INPP4A: variants seen among roughly 807,000 people sequenced by gnomAD.
INPP4A encodes inositol polyphosphate-4-phosphatase type I A.
In INPP4A, 33 loss-of-function variants were observed where a neutral mutation model predicts 119.8. The ratio of observed to expected loss-of-function variants is 0.28; its 90% CI spans 0.21 to 0.37. The LOEUF is 0.37. INPP4A is among the 10% of genes least tolerant of loss of function. INPP4A has a pLI of 1.00. For missense variants in INPP4A, 956 were observed against 1,289.9 expected (o/e 0.74, Z 3.97); for synonymous variants, 496 against 500.7 (o/e 0.99, Z 0.12).
At chr2:98,511,122 C>T (rs910392948) in intron 1 of INPP4A, among the ~76,000 whole-genome samples, 5 of 151,644 alleles carry the variant, frequency 3.3e-5, no homozygotes, top group African/African-American at 7.3e-5. Flanking sequence ...TGCAGTAGTG[C>T]GATCTGGGCT....
chr2:98,460,129 G>A (rs1489669105), intron 1 of INPP4A, among the ~76,000 whole-genome samples: 1 of 151,804 alleles, frequency 6.6e-6, no homozygotes, highest in Non-Finnish European at 1.5e-5. Flanking sequence ...GTGTGTGTGT[G>A]TGTATGTTTA....
At chr2:98,496,950 C>T (rs1003781604) in intron 1 of INPP4A, among the ~76,000 whole-genome samples, 1 of 152,222 alleles carries the variant, frequency 6.6e-6, no homozygotes, top group South Asian at 2.1e-4. Context: ...TGGCTCTGAG[C>T]ACTCAGTGAA....
intron 1 of INPP4A, among the ~76,000 whole-genome samples, chr2:98,473,338 T>C (rs1215914002): frequency 6.2e-5 from 9 of 145,420 alleles, no homozygotes; most frequent in African/African-American, 2.3e-4. Flanking sequence ...GAGGGCAGTG[T>C]GGGTGGAGTG....
At chr2:98,575,455 T>G (rs1006017351) in intron 23 of INPP4A, among the ~76,000 whole-genome samples, 1 of 152,270 alleles carries the variant, frequency 6.6e-6, no homozygotes, top group African/African-American at 2.4e-5. Flanking sequence ...ACTCTTGCTT[T>G]GTCAGTTACA....
chr2:98,572,431 C>T (rs146589673), intron 22 of INPP4A, among the ~76,000 whole-genome samples: 1 of 152,338 alleles, frequency 6.6e-6, no homozygotes, highest in Admixed American at 6.5e-5. Flanking sequence ...GGCTCAGACC[C>T]ACTGCCCCAG....
intron 13 of INPP4A, among the ~76,000 whole-genome samples, chr2:98,551,253 T>C (rs1693464494): frequency 1.3e-5 from 2 of 152,376 alleles, no homozygotes; most frequent in South Asian, 2.1e-4. Context: ...CTTGGCTGAA[T>C]TGATTTTTTA....
At chr2:98,473,320 A>T (rs1472176317) in intron 1 of INPP4A, among the ~76,000 whole-genome samples, 3 of 147,000 alleles carry the variant, frequency 2.0e-5, no homozygotes, top group Admixed American at 6.7e-5. Context: ...GGTGGAGTGG[A>T]GAGTGAGGAG....
intron 1 of INPP4A, among the ~76,000 whole-genome samples, chr2:98,516,681 A>G (rs1686184638): frequency 6.6e-6 from 1 of 152,170 alleles, no homozygotes; most frequent in Non-Finnish European, 1.5e-5. Context: ...TCAAAAGGGA[A>G]GAGCCTCTTC....
intron 4 of INPP4A, among the ~76,000 whole-genome samples, chr2:98,528,281 A>G (rs1042452896): frequency 1.3e-5 from 2 of 152,222 alleles, no homozygotes; most frequent in African/African-American, 2.4e-5. Flanking sequence ...GAGAGGCTCA[A>G]CTGTAGGTTT....
intron 17 of INPP4A, among the ~76,000 whole-genome samples, chr2:98,563,131 T>A (rs1195492945): frequency 6.6e-6 from 1 of 152,204 alleles, no homozygotes. Flanking sequence ...GAGCATTTTC[T>A]GGCCTCGTCA....
rs546408551 is a variant in INPP4A at position 98,447,105 on chromosome 2, G to A, written c.-166+2020G>A. Among the ~76,000 whole-genome samples the A allele has an allele frequency of 2.0e-5, 3 of 152,294 alleles. No homozygotes were observed. In the East Asian group the frequency reaches 5.8e-4, roughly 29 times the overall value. ...CCCAGCCCAGGGCTTAACATCTCAA[G>A]AGTTCAGTGAGGCAGAGTGGAGGGG... On this transcript the variant is annotated intron_variant, in intron 1 of 24. Transcript: ENST00000409851.
intron 4 of INPP4A, among the ~76,000 whole-genome samples, chr2:98,526,337 GA>G (rs1688177811): frequency 6.6e-6 from 1 of 152,146 alleles, no homozygotes; most frequent in East Asian, 1.9e-4. Context: ...TCATTGAACA[GA>G]AAAACCTAAG....
rs767314089 is a variant in INPP4A at position 98,546,726 on chromosome 2, T to C, written c.1163+32T>C. ...AGCCAGAGAGGGTTTGTGGTCCTTG[T>C]ACAGCTTTCTGATGCTTCTTTTCTC... is the stretch of plus-strand genomic sequence containing the variant. On this transcript the variant is annotated intron_variant, in intron 13 of 24. Coordinates refer to ENST00000409851, the MANE Select transcript of INPP4A (RefSeq NM_001134225.2). This position sits in a 1 kb window ranked among gnomAD's most constrained non-coding sequence, Gnocchi z 4.2. 3.0e-5 allele frequency: 38 copies of C among 1,272,748 alleles called. No homozygotes were observed. The South Asian group carries it at 4.1e-4, about 14-fold the overall frequency. 78.8% of individuals were successfully genotyped at this position (1,272,748 alleles called of 1,614,324 possible).
rs1697275148 is a variant in INPP4A at position 98,570,655 on chromosome 2, G to A, written c.2518+1987G>A. Among the ~76,000 whole-genome samples the A allele has an allele frequency of 6.6e-6, 1 of 152,194 alleles. No homozygotes were observed. The highest frequency in any genetic ancestry group is 2.1e-4 in the South Asian group (1 of 4,838). ...GTCCGAGGGAAGGAGAACACACAGG[G>A]CTGGAAGATGCAAGAGGACACCAGA... is the stretch of plus-strand genomic sequence containing the variant. On this transcript the variant is annotated intron_variant, in intron 22 of 24. Coordinates refer to ENST00000409851, the MANE Select transcript of INPP4A (RefSeq NM_001134225.2). The surrounding 1 kb of genome is among the most constrained non-coding windows in gnomAD (Gnocchi z 4.3).
chr2:98,562,216 A>T (rs187886988), intron 17 of INPP4A, among the ~76,000 whole-genome samples: 57 of 152,372 alleles, frequency 3.7e-4, no homozygotes, highest in African/African-American at 1.3e-3. Context: ...GTCCACAAAC[A>T]GTTAGCGTGC....
rs1189015429 is a variant in INPP4A, at chr2:98,572,922, G to A, written c.2626G>A (p.Ala876Thr). Residue 876 changes from alanine (A) to threonine (T), a missense_variant, in exon 23 of 25, where the codon GCT becomes ACT. Ala to Thr is a moderately conservative substitution (Grantham distance 58). This residue lies in a region of INPP4A where 304 missense variants were observed against 492.1 expected (regional missense o/e 0.62). Coordinates refer to ENST00000409851, the MANE Select transcript of INPP4A (RefSeq NM_001134225.2). ...GAACGTCGACATTCTCTGGCAAGCT[G>A]CTGAGGTACTGGTTACAGAGAGGAA... ...NKNVDILWQA[A>T]EICRRLNGVR... 5.1e-6 allele frequency: 8 copies of A among 1,568,044 alleles called. No homozygotes were observed. In the Admixed American group the frequency reaches 1.5e-4, roughly 29 times the overall value.
chr2:98,521,916 TA>T (rs1300325351), intron 4 of INPP4A: 1 of 151,982 alleles, frequency 6.6e-6, no homozygotes, highest in African/African-American at 2.4e-5. Context: ...ACCCTGTCTC[TA>T]AAAAATAATA....
Position 98,546,676 on chromosome 2 carries a change from T to G in INPP4A, c.1145T>G (p.Phe382Cys). 1 of 1,610,226 alleles carries G rather than the reference T, an allele frequency of 6.2e-7. No individual in the cohort carries two copies. Among genetic ancestry groups the G allele is most frequent in the Non-Finnish European group, 8.5e-7 (1 of 1,176,442 alleles). ...SGGLRKKLHKFEETKKHTSSG... is the reference protein window; with the variant it reads ...SGGLRKKLHKCEETKKHTSSG... ...GGTCTCCGCAAAAAGCTGCACAAAT[T>G]TGAAGAGACCAAGAAACAGTAAGTA... is the stretch of plus-strand genomic sequence containing the variant. The change falls in exon 13 of 25, where the codon TTT (phenylalanine) becomes TGT (cysteine). Residue 382 changes from phenylalanine to cysteine, a missense_variant. Transcript: ENST00000409851. The surrounding 1 kb of genome is among the most constrained non-coding windows in gnomAD (Gnocchi z 4.2).
At chr2:98,533,329 A>C in intron 4 of INPP4A, 48 bp from the exon 5 acceptor site, 3 of 1,192,796 alleles carry the variant, frequency 2.5e-6, no homozygotes, top group African/African-American at 1.5e-5. Context: ...AAAACTAATC[A>C]GAGTCTGGTT....
Sources: allele counts gnomAD v4.1 joint callset (sites outside exome capture counted in the v4.1 genomes callset), GRCh38; gene constraint gnomAD v4.1.1; regional missense constraint gnomAD v4.1.1; non-coding constraint Gnocchi (gnomAD v3.1); transcripts MANE v1.5; gene names NCBI Gene and HGNC (gene_info 2026-07-23, HGNC 2026-07-21).